The following ST3GAL5 variants were observed in gnomAD, a reference collection of about 807,000 sequenced individuals.
ST3GAL5 encodes the protein ST3 beta-galactoside alpha-2,3-sialyltransferase 5.
In ST3GAL5, 25 loss-of-function variants were observed where a neutral mutation model predicts 46.1. The ratio of observed to expected loss-of-function variants is 0.54; its 90% CI spans 0.40 to 0.76. ST3GAL5 has a LOEUF of 0.76. Ranked by LOEUF, ST3GAL5 falls within the 30% of genes least tolerant of loss-of-function variation. ST3GAL5 has a pLI of 0.00. For synonymous variants in ST3GAL5, 182 were observed against 192.7 expected, an observed-to-expected ratio of 0.94 and a Z score of 0.46; for missense variants, 431 against 521.2, an observed-to-expected ratio of 0.83 and a Z score of 1.69.
Position 85,871,532 on chromosome 2 carries a change from C to T in ST3GAL5, c.83-8047G>A, listed in dbSNP as rs896851117. Among the ~76,000 whole-genome samples the T allele has an allele frequency of 2.6e-5, 4 of 152,206 alleles. No homozygotes were observed. In the East Asian group the frequency reaches 7.7e-4, roughly 29 times the overall value. ...CATAAAGCAGTACATGATGAATTGC[C>T]AAATTAACTATACAGATAATTACTG... On this transcript the variant is annotated intron_variant, in intron 1 of 6. Transcript: ENST00000638572.
At chr2:85,851,162 G>A (rs185213196) in intron 3 of ST3GAL5, 6 of 774,774 alleles carry the variant, frequency 7.7e-6, no homozygotes, top group Non-Finnish European at 9.6e-6. Context: ...TGATCCACCT[G>A]CCTCCACCTT....
At chr2:85,884,362 T>A (rs946356870) in intron 1 of ST3GAL5, among the ~76,000 whole-genome samples, 1 of 152,208 alleles carries the variant, frequency 6.6e-6, no homozygotes, top group African/African-American at 2.4e-5. Flanking sequence ...ATAATTTACA[T>A]AGTGTGCAGC....
Position 85,888,894 on chromosome 2 carries a change from CT to C in ST3GAL5, c.11del (p.Lys4ArgfsTer33). 7.3e-7 allele frequency: 1 copy of C among 1,374,078 alleles called. No homozygotes were observed. Among genetic ancestry groups the C allele is most frequent in the South Asian group, 1.5e-5 (1 of 64,834 alleles). 85.1% of individuals were successfully genotyped at this position (1,374,078 alleles called of 1,614,324 possible). A position where few individuals can be genotyped will look rare whatever the true frequency, so the allele number is the denominator to read the frequency against. MRTKAAGCAERRPL... is the reference protein window; with the variant it reads MRTXAAGCAERRPL... ...GACGCCGCTCCGCGCAGCCCGCCGC[CT>C]TCGTCCGCATACTAATGAGGGGGCG... On this transcript the variant is annotated frameshift_variant, in exon 1 of 7. Coordinates refer to ENST00000638572, the MANE Select transcript of ST3GAL5 (RefSeq NM_003896.4). LOFTEE classifies it high-confidence loss of function.
intron 1 of ST3GAL5, chr2:85,880,905 C>A (rs767577757): frequency 7.7e-6 from 4 of 518,480 alleles, no homozygotes; most frequent in Admixed American, 1.9e-5. Flanking sequence ...GTTGGACATG[C>A]GGGCAGAGTG....
At chr2:85,877,821 C>T (rs1686749663) in intron 1 of ST3GAL5, among the ~76,000 whole-genome samples, 3 of 152,088 alleles carry the variant, frequency 2.0e-5, no homozygotes, top group African/African-American at 4.8e-5. Context: ...CAAAAATTAA[C>T]ATGTAAGACT....
Position 85,863,449 on chromosome 2 carries a change from C to T in ST3GAL5, c.119G>A (p.Ser40Asn). Residue 40 changes from serine (S) to asparagine (N), a missense_variant, in exon 2 of 7, where the codon AGT (serine) becomes AAT (asparagine). Physicochemically the swap from Ser to Asn is conservative, Grantham distance 46. Coordinates refer to ENST00000638572, the MANE Select transcript of ST3GAL5 (RefSeq NM_003896.4). ...PSEYTYVKLR[S>N]DCSRPSLQWY... is the part of the protein sequence containing the mutation. ...TTGCAGGGAAGGCCTCGAGCAATCA[C>T]TTCTCAGTTTCACATAGGTGTACTC... 6.2e-7 allele frequency: 1 copy of T among 1,614,188 alleles called. No individual in the cohort carries two copies. Among genetic ancestry groups the T allele is most frequent in the Non-Finnish European group, 8.5e-7 (1 of 1,180,036 alleles).
At chr2:85,884,926 T>G (rs6707472) in intron 1 of ST3GAL5, among the ~76,000 whole-genome samples, 2 of 152,000 alleles carry the variant, frequency 1.3e-5, no homozygotes, top group African/African-American at 4.8e-5. Context: ...CTGTTATTTT[T>G]ATCAAACTGA....
At chr2:85,875,665 A>C (rs1488099283) in intron 1 of ST3GAL5, 1 of 152,214 alleles carries the variant, frequency 6.6e-6, no homozygotes, top group Non-Finnish European at 1.5e-5. Context: ...AGTGGATTTA[A>C]GACAATAAAA....
intron 1 of ST3GAL5, among the ~76,000 whole-genome samples, chr2:85,879,356 C>T (rs1686912427): frequency 1.3e-5 from 2 of 152,006 alleles, no homozygotes; most frequent in Admixed American, 6.6e-5. Context: ...AGAGGGGAGT[C>T]GCAGGGGAGA....
intron 2 of ST3GAL5, among the ~76,000 whole-genome samples, chr2:85,861,596 A>T (rs1386679927): frequency 6.6e-6 from 1 of 151,336 alleles, no homozygotes; most frequent in Non-Finnish European, 1.5e-5. Flanking sequence ...GACTTGAACT[A>T]CAGAATCTCG....
In ST3GAL5 at chr2:85,851,684, G is replaced by T. The variant is rs891787494; in HGVS notation, c.319-3480C>A. 8 of 1,289,412 alleles carry T rather than the reference G, an allele frequency of 6.2e-6. 1 individual carries two copies. The South Asian group carries it at 9.9e-5, about 16-fold the overall frequency. 79.9% of individuals were successfully genotyped at this position (1,289,412 alleles called of 1,614,324 possible). The stretch of plus-strand genomic sequence containing the variant: ...AGCTCAGAAGAAAGTGCCTCAAGGC[G>T]AGTGCCGCACCTTCAGGAGCTGCAA... On this transcript the variant is annotated intron_variant, in intron 3 of 6. Transcript: ENST00000638572.
intron 1 of ST3GAL5, among the ~76,000 whole-genome samples, chr2:85,886,049 C>A (rs1265279718): frequency 6.6e-6 from 1 of 152,174 alleles, no homozygotes; most frequent in Non-Finnish European, 1.5e-5. Flanking sequence ...ACCCAATGGC[C>A]CCTATCACCA....
At chr2:85,865,932 G>T in intron 1 of ST3GAL5, 1 of 152,366 alleles carries the variant, frequency 6.6e-6, no homozygotes, top group East Asian at 1.9e-4. Flanking sequence ...CTTTTCCCCT[G>T]ACTTGGTGAA....
At position 85,839,953 on chromosome 2, in the gene ST3GAL5, A is replaced by C; in HGVS notation, c.*191T>G. The stretch of plus-strand genomic sequence containing the variant: ...TTCATTTACAAAATGGTGTGCAAAA[A>C]CAAACACTGACCTCAAATAAATAGG... On this transcript the variant is annotated 3_prime_UTR_variant, in exon 7 of 7. Transcript: ENST00000638572. The C allele has an allele frequency of 1.4e-6, 1 of 711,534 alleles. No individual in the cohort carries two copies. Among genetic ancestry groups the C allele is most frequent in the Non-Finnish European group, 2.3e-6 (1 of 437,802 alleles). 44.1% of individuals were successfully genotyped at this position (711,534 alleles called of 1,614,324 possible). A position where few individuals can be genotyped will look rare whatever the true frequency, so the allele number is the denominator to read the frequency against.
At chr2:85,888,557 C>A in intron 1 of ST3GAL5, 2 of 253,960 alleles carry the variant, frequency 7.9e-6, no homozygotes, top group Non-Finnish European at 7.4e-6. Context: ...AGGGCCACTG[C>A]GGCGGGACCC....
chr2:85,853,066 C>A, intron 3 of ST3GAL5: 1 of 1,304,216 alleles, frequency 7.7e-7, no homozygotes, highest in South Asian at 1.2e-5. Context: ...TAACTGCACG[C>A]AATGCCATCC....
At chr2:85,873,614 T>C (rs958969399) in intron 1 of ST3GAL5, among the ~76,000 whole-genome samples, 4 of 151,966 alleles carry the variant, frequency 2.6e-5, no homozygotes, top group Non-Finnish European at 5.9e-5. Context: ...AGGAGCCCTC[T>C]GTAGAGAGAG....
chr2:85,872,380 C>T (rs558612907), intron 1 of ST3GAL5, among the ~76,000 whole-genome samples: 2 of 152,102 alleles, frequency 1.3e-5, no homozygotes, highest in Admixed American at 6.5e-5. Flanking sequence ...GTCAGGAGTT[C>T]GAGATCAGCC....
In ST3GAL5 at chr2:85,882,957, T is replaced by G. The variant is rs375346601; in HGVS notation, c.82+5867A>C. ...TCCCAATGCCTGTACCCCTATTGTA[T>G]CTAACTTGCTTTTGATTTTATAGGC... On this transcript the variant is annotated intron_variant, in intron 1 of 6. Coordinates refer to ENST00000638572, the MANE Select transcript of ST3GAL5 (RefSeq NM_003896.4). Among the ~76,000 whole-genome samples, 4 of 152,136 alleles carry G rather than the reference T, an allele frequency of 2.6e-5. No homozygotes were observed. The East Asian group carries it at 5.8e-4, about 22-fold the overall frequency.
Sources: gnomAD v4.1 joint callset for allele counts (sites outside exome capture counted in the v4.1 genomes callset) on GRCh38, gnomAD v4.1.1 for gene constraint, MANE v1.5 for transcripts, NCBI Gene and HGNC (gene_info 2026-07-23, HGNC 2026-07-21) for gene names.